SCFD2: variants seen among roughly 807,000 people sequenced by gnomAD.
SCFD2 encodes the protein sec1 family domain containing 2, also known as sec1 family domain-containing protein 2.
Under a neutral mutation model 58.9 loss-of-function variants are expected in SCFD2, and 54 were observed. The ratio of observed to expected loss-of-function variants is 0.92; its 90% CI spans 0.74 to 1.15. The LOEUF is 1.15. SCFD2 is among the 50% of genes most tolerant of loss of function. SCFD2 has a pLI of 0.00. For missense variants in SCFD2, 805 were observed against 836.6 expected (o/e 0.96, Z 0.47); for synonymous variants, 321 against 335.9 (o/e 0.96, Z 0.49).
At chr4:53,257,540 G>A (rs541960111) in intron 4 of SCFD2, among the ~76,000 whole-genome samples, 1 of 152,094 alleles carries the variant, frequency 6.6e-6, no homozygotes, top group East Asian at 1.9e-4. Flanking sequence ...TAAGACCATA[G>A]GAAAACTCTT....
intron 3 of SCFD2, among the ~76,000 whole-genome samples, chr4:53,284,159 C>T (rs2149079969): frequency 6.7e-6 from 1 of 149,204 alleles, no homozygotes; most frequent in Non-Finnish European, 1.5e-5. Context: ...GCATTACATG[C>T]ATAATGTAAT....
chr4:52,949,139 C>T (rs1177764359), intron 5 of SCFD2: 2 of 152,214 alleles, frequency 1.3e-5, no homozygotes, highest in South Asian at 2.1e-4. Flanking sequence ...CTCAAATATT[C>T]TCAGGACATC....
intron 1 of SCFD2, among the ~76,000 whole-genome samples, chr4:53,364,074 C>G (rs1479248391): frequency 6.6e-6 from 1 of 152,098 alleles, no homozygotes; most frequent in Non-Finnish European, 1.5e-5. Flanking sequence ...ATCTTTTAAT[C>G]CCCTATGGAC....
At chr4:53,316,530 T>C (rs191338389) in intron 2 of SCFD2, among the ~76,000 whole-genome samples, 64 of 152,210 alleles carry the variant, frequency 4.2e-4, no homozygotes, top group African/African-American at 1.4e-3. Flanking sequence ...GTGGTTGTAG[T>C]TGTTACTAGT....
intron 8 of SCFD2, among the ~76,000 whole-genome samples, chr4:52,878,348 CA>C (rs1225794614): frequency 2.0e-5 from 3 of 152,182 alleles, no homozygotes; most frequent in Non-Finnish European, 4.4e-5. Flanking sequence ...CAGACAGCTC[CA>C]GGTAAATGTG....
In SCFD2 at chr4:52,946,016, G is replaced by A. The variant is rs373013436; in HGVS notation, c.1562-25146C>T. 1.4e-4 allele frequency among the ~76,000 whole-genome samples: 22 copies of A among 152,064 alleles called. 1 individual carries two copies. Among genetic ancestry groups the A allele is most frequent in the African/African-American group, 5.3e-4 (22 of 41,494 alleles). On this transcript the variant is annotated intron_variant, in intron 5 of 8. Coordinates refer to ENST00000401642, the MANE Select transcript of SCFD2 (RefSeq NM_152540.4). The stretch of plus-strand genomic sequence containing the variant: ...TAATCTTTTAACTTTTTTAGTTTTA[G>A]GAGAAAATAAAACCACGTGCATTTG...
intron 4 of SCFD2, among the ~76,000 whole-genome samples, chr4:53,224,138 C>T (rs1019281561): frequency 1.3e-5 from 2 of 152,094 alleles, no homozygotes; most frequent in Non-Finnish European, 2.9e-5. Flanking sequence ...CGCCTGTAAT[C>T]CCAACACTTT....
At chr4:53,313,888 C>T in intron 2 of SCFD2, 125 bp from the exon 3 acceptor site, 1 of 745,816 alleles carries the variant, frequency 1.3e-6, no homozygotes, top group Admixed American at 2.7e-5. Flanking sequence ...CTGATAGACT[C>T]TAAGTATTAG....
At chr4:53,124,839 T>G (rs1470208429) in intron 5 of SCFD2, among the ~76,000 whole-genome samples, 1 of 152,164 alleles carries the variant, frequency 6.6e-6, no homozygotes, top group Non-Finnish European at 1.5e-5. Context: ...GAGCTAGAAA[T>G]GCAAAGGTGG....
At position 53,238,046 on chromosome 4, in the gene SCFD2, C is replaced by G. The variant is rs550274687; in HGVS notation, c.1311+35780G>C. Among the ~76,000 whole-genome samples, 4 of 135,472 alleles carry G rather than the reference C, an allele frequency of 3.0e-5. No homozygotes were observed. In the East Asian group the frequency reaches 9.6e-4, roughly 33 times the overall value. The allele number at this position is 135,472 out of a possible 152,430, so 88.9% of individuals were successfully genotyped here. On this transcript the variant is annotated intron_variant, in intron 4 of 8. Transcript: ENST00000401642. ...CTCCAAGATGGGGTGGCTGGCCGGG[C>G]GGGGGGCTGACCCCCCCACCTCCCT...
chr4:53,257,255 A>G (rs759012107), intron 4 of SCFD2, among the ~76,000 whole-genome samples: 6 of 152,186 alleles, frequency 3.9e-5, no homozygotes, highest in African/African-American at 7.2e-5. Context: ...GTCACAGGCA[A>G]GCTATGAGCA....
intron 5 of SCFD2, among the ~76,000 whole-genome samples, chr4:53,127,784 A>G (rs1218344572): frequency 1.3e-5 from 2 of 152,154 alleles, no homozygotes; most frequent in Non-Finnish European, 2.9e-5. Context: ...CAGACTAAGA[A>G]ACTGGCCATG....
intron 4 of SCFD2, among the ~76,000 whole-genome samples, chr4:53,207,961 T>C (rs1020868862): frequency 9.7e-6 from 1 of 102,784 alleles, no homozygotes; most frequent in Non-Finnish European, 2.4e-5. Context: ...TTTCTTTTCT[T>C]TTTTTTTTTC....
intron 2 of SCFD2, among the ~76,000 whole-genome samples, chr4:53,347,338 A>C (rs1311409343): frequency 6.6e-6 from 1 of 152,132 alleles, no homozygotes; most frequent in African/African-American, 2.4e-5. Context: ...GTGTTCATTC[A>C]ACAAATATCT....
chr4:53,292,836 G>A (rs1731887754), intron 3 of SCFD2, among the ~76,000 whole-genome samples: 1 of 149,206 alleles, frequency 6.7e-6, no homozygotes, highest in Non-Finnish European at 1.5e-5. Context: ...TAAAGAAAAT[G>A]TGGTGGGGAA....
At chr4:52,877,565 C>T (rs1009439624) in intron 8 of SCFD2, among the ~76,000 whole-genome samples, 8 of 152,248 alleles carry the variant, frequency 5.3e-5, no homozygotes, top group African/African-American at 1.9e-4. Flanking sequence ...ACCCACCCCA[C>T]ATGATTATGT....
At chr4:53,029,696 G>A (rs974952768) in intron 5 of SCFD2, among the ~76,000 whole-genome samples, 3 of 152,148 alleles carry the variant, frequency 2.0e-5, no homozygotes, top group African/African-American at 7.2e-5. Context: ...ATGATCAACT[G>A]ATTTTGATAA....
At chr4:53,019,864 T>C (rs2148812884) in intron 5 of SCFD2, among the ~76,000 whole-genome samples, 1 of 152,310 alleles carries the variant, frequency 6.6e-6, no homozygotes, top group African/African-American at 2.4e-5. Flanking sequence ...CTAATTATTA[T>C]CATAAAGGAC....
chr4:53,266,840 C>T (rs985421133), intron 4 of SCFD2, among the ~76,000 whole-genome samples: 2 of 152,158 alleles, frequency 1.3e-5, no homozygotes, highest in African/African-American at 4.8e-5. Flanking sequence ...TTATCTCCTT[C>T]GGCTTTTCAA....
Sources: allele counts gnomAD v4.1 joint callset (sites outside exome capture counted in the v4.1 genomes callset), GRCh38; gene constraint gnomAD v4.1.1; transcripts MANE v1.5; gene names NCBI Gene and HGNC (gene_info 2026-07-23, HGNC 2026-07-21).